LRFN5: variants seen among roughly 807,000 people sequenced by gnomAD.
LRFN5 encodes leucine-rich repeat and fibronectin type-III domain-containing protein 5.
A neutral mutation model predicts 45.6 loss-of-function variants in LRFN5; 24 were observed. The ratio of observed to expected loss-of-function variants is 0.53; its 90% CI spans 0.38 to 0.74. LRFN5 has a LOEUF of 0.74. LRFN5 is among the 30% of genes least tolerant of loss of function. The pLI is 0.00. For synonymous variants in LRFN5, 340 were observed against 313.8 expected, an observed-to-expected ratio of 1.08 and a Z score of -0.88; for missense variants, 776 against 861.5, an observed-to-expected ratio of 0.90 and a Z score of 1.24.
At chr14:41,855,632 T>C (rs1035541480) in intron 2 of LRFN5, among the ~76,000 whole-genome samples, 1 of 152,148 alleles carries the variant, frequency 6.6e-6, no homozygotes, top group East Asian at 1.9e-4. Context: ...CTGAAAAATA[T>C]AACGACAAAA....
intron 1 of LRFN5, among the ~76,000 whole-genome samples, chr14:41,648,276 A>G (rs1477144645): frequency 6.6e-6 from 1 of 152,164 alleles, no homozygotes; most frequent in Non-Finnish European, 1.5e-5. Context: ...TTGGAAATGA[A>G]GAGGTGTATT....
At chr14:41,662,747 A>G (rs1474335736) in intron 1 of LRFN5, among the ~76,000 whole-genome samples, 1 of 151,998 alleles carries the variant, frequency 6.6e-6, no homozygotes. Flanking sequence ...CTATGAAAAG[A>G]TCTTCAGGGA....
At chr14:41,891,997 A>G in intron 4 of LRFN5, 35 bp downstream of exon 4, 2 of 1,597,670 alleles carry the variant, frequency 1.3e-6, no homozygotes, top group South Asian at 2.3e-5. Flanking sequence ...AGAGATCCGG[A>G]GCAAGGCACA....
At chr14:41,703,544 TTTTG>T (rs1465248648) in intron 1 of LRFN5, among the ~76,000 whole-genome samples, 1 of 152,128 alleles carries the variant, frequency 6.6e-6, no homozygotes, top group African/African-American at 2.4e-5. Context: ...CAGTGTTTTT[TTTTG>T]TTTGTTTTTT....
intron 1 of LRFN5, chr14:41,742,569 T>TA (rs1348795295): frequency 6.6e-6 from 1 of 152,158 alleles, no homozygotes; most frequent in African/African-American, 2.4e-5. Context: ...GACAGGAAGA[T>TA]ACGTTGGAGC....
At chr14:41,884,104 C>T (rs1027599511) in intron 2 of LRFN5, among the ~76,000 whole-genome samples, 2 of 152,184 alleles carry the variant, frequency 1.3e-5, no homozygotes, top group Non-Finnish European at 2.9e-5. Context: ...ACCTGAGACT[C>T]TGCTCTCCAA....
chr14:41,705,325 C>T (rs1207258511), intron 1 of LRFN5, among the ~76,000 whole-genome samples: 1 of 152,050 alleles, frequency 6.6e-6, no homozygotes, highest in Non-Finnish European at 1.5e-5. Flanking sequence ...TCTCCAAGTA[C>T]CTTGTTCTAG....
At chr14:41,687,491 A>G (rs975019739) in intron 1 of LRFN5, among the ~76,000 whole-genome samples, 2 of 152,226 alleles carry the variant, frequency 1.3e-5, no homozygotes, top group African/African-American at 4.8e-5. Context: ...TACTTGGTAT[A>G]CACCCAAGGG....
chr14:41,654,403 T>C (rs1218171745), intron 1 of LRFN5, among the ~76,000 whole-genome samples: 1 of 152,048 alleles, frequency 6.6e-6, no homozygotes, highest in Non-Finnish European at 1.5e-5. Flanking sequence ...ACATAGTATG[T>C]ACATAGTGCA....
At chr14:41,673,480 T>C (rs1166753491) in intron 1 of LRFN5, among the ~76,000 whole-genome samples, 1 of 141,272 alleles carries the variant, frequency 7.1e-6, no homozygotes, top group African/African-American at 2.7e-5. Flanking sequence ...ACGGGGCGGC[T>C]GGCCGGGCAG....
Position 41,898,852 on chromosome 14 carries a change from G to A in LRFN5, c.2099-65G>A, listed in dbSNP as rs10135833. ...AAGTATTACCAAGATTTCAGTAAGA[G>A]GTTTTTTGAATCTATTTCTTTTAAA... On this transcript the variant is annotated intron_variant, in intron 4 of 5. Transcript: ENST00000298119. The A allele has an allele frequency of 5.1e-4, 711 of 1,406,788 alleles. 4 individuals carry two copies. The African/African-American group carries it at 9.0e-3, about 18-fold the overall frequency. The allele number at this position is 1,406,788 out of a possible 1,614,324, so 87.1% of individuals were successfully genotyped here. A position where few individuals can be genotyped will look rare whatever the true frequency, so the allele number is the denominator to read the frequency against.
chr14:41,813,413 C>T (rs1887805884), intron 2 of LRFN5, among the ~76,000 whole-genome samples: 1 of 152,024 alleles, frequency 6.6e-6, no homozygotes, highest in South Asian at 2.1e-4. Flanking sequence ...TCTCATTGTT[C>T]AACTCCCACT....
At chr14:41,670,456 C>T (rs557270110) in intron 1 of LRFN5, among the ~76,000 whole-genome samples, 12 of 150,576 alleles carry the variant, frequency 8.0e-5, no homozygotes, top group Non-Finnish European at 1.8e-4. Context: ...AATGCATTAA[C>T]CTATTTAAAA....
chr14:41,717,021 A>G (rs1454553395), intron 1 of LRFN5, among the ~76,000 whole-genome samples: 1 of 152,106 alleles, frequency 6.6e-6, no homozygotes, highest in East Asian at 1.9e-4. Context: ...AAACCAATGT[A>G]TTTTCTAAAT....
At chr14:41,677,060 G>T (rs192588224) in intron 1 of LRFN5, among the ~76,000 whole-genome samples, 1 of 152,250 alleles carries the variant, frequency 6.6e-6, no homozygotes, top group Admixed American at 6.5e-5. Flanking sequence ...TGACCAGTAA[G>T]TGGCTTATGC....
intron 2 of LRFN5, among the ~76,000 whole-genome samples, chr14:41,768,239 A>G (rs919009580): frequency 1.3e-5 from 2 of 152,192 alleles, no homozygotes; most frequent in African/African-American, 4.8e-5. Flanking sequence ...ATCTAATTAT[A>G]TAACATTTAA....
chr14:41,785,925 G>A (rs1246880569), intron 2 of LRFN5, among the ~76,000 whole-genome samples: 1 of 152,158 alleles, frequency 6.6e-6, no homozygotes, highest in Non-Finnish European at 1.5e-5. Flanking sequence ...CAGAGCAGCT[G>A]TAAATAAACA....
intron 2 of LRFN5, among the ~76,000 whole-genome samples, chr14:41,882,610 T>C (rs1441266572): frequency 6.6e-6 from 1 of 152,172 alleles, no homozygotes; most frequent in African/African-American, 2.4e-5. Flanking sequence ...ATTTTTAAGA[T>C]AATATTCCTG....
At chr14:41,885,182 T>C (rs917592349) in intron 2 of LRFN5, among the ~76,000 whole-genome samples, 1 of 149,090 alleles carries the variant, frequency 6.7e-6, no homozygotes, top group African/African-American at 2.5e-5. Context: ...AAAATTACCC[T>C]AGGGTGGTGG....
Sources: gnomAD v4.1 joint callset for allele counts (sites outside exome capture counted in the v4.1 genomes callset) on GRCh38, gnomAD v4.1.1 for gene constraint, MANE v1.5 for transcripts, NCBI Gene and HGNC (gene_info 2026-07-23, HGNC 2026-07-21) for gene names.